Variants in SESN1 observed in about 807,000 individuals in gnomAD.
The protein encoded by SESN1 is sestrin-1.
SESN1 carries 30 observed loss-of-function variants against 59.3 expected under a neutral mutation model. That is an observed-to-expected ratio of 0.51 (90% CI 0.38 to 0.69). The LOEUF (loss-of-function observed/expected upper bound fraction) is 0.69. Among genes scored for constraint, SESN1 ranks in the 30% least tolerant of loss-of-function variants. The pLI, the probability that SESN1 is intolerant of heterozygous loss-of-function variation, is 0.00. For missense variants in SESN1, 566 were observed against 673.0 expected (o/e 0.84, Z 1.76); for synonymous variants, 197 against 219.9 (o/e 0.90, Z 0.92).
At chr6:109,017,887 G>A (rs1196386758) in intron 1 of SESN1, among the ~76,000 whole-genome samples, 5 of 151,950 alleles carry the variant, frequency 3.3e-5, no homozygotes, top group Non-Finnish European at 5.9e-5. Context: ...AATTCCTGGC[G>A]AGGCACAGTG....
chr6:109,045,952 T>A (rs1240445914), intron 1 of SESN1, among the ~76,000 whole-genome samples: 1 of 152,216 alleles, frequency 6.6e-6, no homozygotes, highest in African/African-American at 2.4e-5. Flanking sequence ...TGAACCCATA[T>A]GGGCTGAAAA....
intron 1 of SESN1, among the ~76,000 whole-genome samples, chr6:109,021,055 G>T (rs986528142): frequency 1.1e-4 from 16 of 152,154 alleles, no homozygotes; most frequent in Admixed American, 2.6e-4. Context: ...CAGTAATGGG[G>T]TGATCATGGC....
At position 108,998,661 on chromosome 6, in the gene SESN1, G is replaced by A. The variant is rs1472309889; in HGVS notation, c.824C>T (p.Thr275Ile). The A allele has an allele frequency of 6.2e-7, 1 of 1,613,928 alleles. No individual in the cohort carries two copies. The highest frequency in any genetic ancestry group is 8.5e-7 in the Non-Finnish European group (1 of 1,179,844). ...TTCTGGACTGATTCCACAGCCGAAT[G>A]TGAATGAGGCAAGAGAATGATAGTG... is the stretch of plus-strand genomic sequence containing the variant. ...LTHYHSLASF[T>I]FGCGISPEIH... The change falls in exon 5 of 10, where the codon ACA becomes ATA. Residue 275 changes from threonine to isoleucine, a missense_variant. Coordinates refer to ENST00000436639, the MANE Select transcript of SESN1 (RefSeq NM_014454.3).
chr6:109,054,017 C>T (rs1780588014), intron 1 of SESN1, among the ~76,000 whole-genome samples: 1 of 151,674 alleles, frequency 6.6e-6, no homozygotes, highest in Non-Finnish European at 1.5e-5. Context: ...CAGTTTTTCC[C>T]TTGTCAATTT....
intron 3 of SESN1, 90 bp downstream of exon 3, chr6:109,001,198 G>A (rs983243784): frequency 1.2e-5 from 13 of 1,047,612 alleles, no homozygotes; most frequent in Middle Eastern, 3.1e-4. Flanking sequence ...CATAATCTAA[G>A]TATTTATCCC....
At chr6:109,022,430 T>C (rs992168445) in intron 1 of SESN1, among the ~76,000 whole-genome samples, 10 of 140,440 alleles carry the variant, frequency 7.1e-5, no homozygotes, top group Non-Finnish European at 1.4e-4. Flanking sequence ...TTTTTTTTTT[T>C]TTTTTTTTTT....
Position 109,094,794 on chromosome 6 carries a change from G to C in SESN1, c.-721C>G, listed in dbSNP as rs988868994. 3.3e-5 allele frequency: 5 copies of C among 152,276 alleles called. No homozygotes were observed. The highest frequency in any genetic ancestry group is 2.0e-4 in the Admixed American group (3 of 15,286). The allele number at this position is 152,276 out of a possible 1,614,324, so 9.4% of individuals were successfully genotyped here. On this transcript the variant is annotated 5_prime_UTR_variant, in exon 1 of 10. Coordinates refer to ENST00000436639, the MANE Select transcript of SESN1 (RefSeq NM_014454.3). ...GCCCTCGCCCACCACCGCCGAGCCA[G>C]AGGGCACAGGGCGGCCCTGGCAATC...
At chr6:109,038,202 G>A (rs892950078) in intron 1 of SESN1, among the ~76,000 whole-genome samples, 3 of 152,188 alleles carry the variant, frequency 2.0e-5, no homozygotes, top group African/African-American at 7.2e-5. Flanking sequence ...GTATAAAAAA[G>A]CACAAGCCAG....
chr6:109,061,153 GCAA>G (rs968385469), intron 1 of SESN1, among the ~76,000 whole-genome samples: 2 of 151,864 alleles, frequency 1.3e-5, no homozygotes, highest in Non-Finnish European at 2.9e-5. Flanking sequence ...TAAAATTAAA[GCAA>G]CAATAAGTTA....
rs1339093260 is a variant in SESN1, at chr6:108,993,666, TATAG to T, written c.1121-771_1121-768del. 2.6e-5 allele frequency among the ~76,000 whole-genome samples: 4 copies of T among 152,206 alleles called. No homozygotes were observed. In the East Asian group the frequency reaches 7.7e-4, roughly 29 times the overall value. On this transcript the variant is annotated intron_variant, in intron 6 of 9. Transcript: ENST00000436639. ...TATATATTATCTCCTGTAGCCTGCA[TATAG>T]ATAAAGGTTAAACATAGAGGATTTA...
At chr6:109,064,720 A>G (rs1231347166) in intron 1 of SESN1, among the ~76,000 whole-genome samples, 2 of 73,780 alleles carry the variant, frequency 2.7e-5, no homozygotes, top group African/African-American at 5.6e-5. Flanking sequence ...TGAAGGAAGG[A>G]AGGGAGGGAG....
chr6:109,086,116 T>C (rs1268273898), intron 1 of SESN1, among the ~76,000 whole-genome samples: 1 of 152,196 alleles, frequency 6.6e-6, no homozygotes, highest in East Asian at 1.9e-4. Context: ...CCCAGCACTT[T>C]GGGAAGCCAA....
chr6:109,015,288 C>T (rs1779913677), intron 1 of SESN1, among the ~76,000 whole-genome samples: 1 of 152,114 alleles, frequency 6.6e-6, no homozygotes, highest in African/African-American at 2.4e-5. Flanking sequence ...TACCCAAGCT[C>T]CTTTGATTTT....
chr6:109,074,458 C>T (rs1035801436), intron 1 of SESN1, among the ~76,000 whole-genome samples: 4 of 152,154 alleles, frequency 2.6e-5, no homozygotes, highest in African/African-American at 9.7e-5. Flanking sequence ...AAGCTCTCAT[C>T]TCAACATTGT....
chr6:109,058,109 G>C (rs537961021), intron 1 of SESN1, among the ~76,000 whole-genome samples: 10 of 151,940 alleles, frequency 6.6e-5, no homozygotes, highest in Admixed American at 5.2e-4. Flanking sequence ...TTTTGAGGCA[G>C]GGCCTCGCTC....
intron 1 of SESN1, among the ~76,000 whole-genome samples, chr6:109,015,576 T>C (rs535169653): frequency 1.1e-4 from 16 of 152,282 alleles, no homozygotes; most frequent in African/African-American, 3.4e-4. Flanking sequence ...TTCAGACATA[T>C]TACAATGTTT....
At chr6:109,068,028 G>C (rs1780865078) in intron 1 of SESN1, among the ~76,000 whole-genome samples, 1 of 152,162 alleles carries the variant, frequency 6.6e-6, no homozygotes, top group African/African-American at 2.4e-5. Context: ...GTTCCTGTTA[G>C]GCAGGCAGGC....
At chr6:109,083,763 C>T (rs546370123) in intron 1 of SESN1, among the ~76,000 whole-genome samples, 18 of 152,296 alleles carry the variant, frequency 1.2e-4, no homozygotes, top group Admixed American at 2.0e-4. Flanking sequence ...ATATGTCCTT[C>T]GGTACCATTG....
At chr6:109,009,361 C>A (rs1249653928) in intron 1 of SESN1, 1 of 1,469,352 alleles carries the variant, frequency 6.8e-7, no homozygotes. Flanking sequence ...CCAGGTACCT[C>A]GTCCTGGTCG....
Sources: gnomAD v4.1 joint callset for allele counts (sites outside exome capture counted in the v4.1 genomes callset) on GRCh38, gnomAD v4.1.1 for gene constraint, MANE v1.5 for transcripts, NCBI Gene and HGNC (gene_info 2026-07-23, HGNC 2026-07-21) for gene names.